Variants in FGF12 observed in about 807,000 individuals in gnomAD.
The protein encoded by FGF12 is fibroblast growth factor 12.
A neutral mutation model predicts 23.6 loss-of-function variants in FGF12; 14 were observed. The observed-to-expected ratio is 0.59, with a 90% CI of 0.39 to 0.93. The LOEUF is 0.93. Ranked by LOEUF, FGF12 falls within the 40% of genes least tolerant of loss-of-function variation. FGF12 has a pLI of 0.00. For missense variants in FGF12, 175 were observed against 217.8 expected (o/e 0.80, Z 1.24); for synonymous variants, 62 against 77.3 (o/e 0.80, Z 1.04).
chr3:192,353,093 A>G (rs564684143), intron 3 of FGF12, among the ~76,000 whole-genome samples: 1 of 152,300 alleles, frequency 6.6e-6, no homozygotes, highest in African/African-American at 2.4e-5. Context: ...ATGTTGTACT[A>G]TCTGAATTTG....
At chr3:192,608,179 A>T (rs1420502997) in intron 2 of FGF12, among the ~76,000 whole-genome samples, 4 of 152,150 alleles carry the variant, frequency 2.6e-5, no homozygotes, top group Non-Finnish European at 5.9e-5. Flanking sequence ...AAGTGATGAC[A>T]GTTAATGGGT....
At chr3:192,654,173 G>T (rs992262808) in intron 2 of FGF12, among the ~76,000 whole-genome samples, 4 of 152,186 alleles carry the variant, frequency 2.6e-5, no homozygotes, top group African/African-American at 9.7e-5. Flanking sequence ...CTTGGAAGTA[G>T]GCACAAAGGA....
chr3:192,647,429 T>C (rs1716044855), intron 2 of FGF12, among the ~76,000 whole-genome samples: 1 of 152,040 alleles, frequency 6.6e-6, no homozygotes, highest in African/African-American at 2.4e-5. Flanking sequence ...TCCAACATTC[T>C]GAAGACTGCC....
chr3:192,485,159 A>G (rs6784643), intron 2 of FGF12, among the ~76,000 whole-genome samples: 15,647 of 152,060 alleles, frequency 0.1, 2,571 homozygotes, highest in African/African-American at 0.35. Flanking sequence ...GCATGTGTGC[A>G]TAAGTATGTT....
chr3:192,215,788 G>A (rs1220939553), intron 4 of FGF12, among the ~76,000 whole-genome samples: 1 of 152,064 alleles, frequency 6.6e-6, no homozygotes, highest in African/African-American at 2.4e-5. Flanking sequence ...ATAAAACAAA[G>A]CCATTTCTTT....
intron 4 of FGF12, among the ~76,000 whole-genome samples, chr3:192,243,605 A>C (rs945856324): frequency 7.9e-5 from 12 of 151,998 alleles, no homozygotes; most frequent in Non-Finnish European, 1.5e-5. Context: ...TTAAACAATA[A>C]ATTTACTTCA....
In FGF12 at chr3:192,218,890, T is replaced by C. The variant is rs180753198; in HGVS notation, c.229-48234A>G. 5.9e-5 allele frequency among the ~76,000 whole-genome samples: 9 copies of C among 152,286 alleles called. No homozygotes were observed. In the East Asian group the frequency reaches 1.7e-3, roughly 29 times the overall value. On this transcript the variant is annotated intron_variant, in intron 4 of 5. Coordinates refer to ENST00000445105, the MANE Select transcript of FGF12 (RefSeq NM_004113.6). The stretch of plus-strand genomic sequence containing the variant: ...AAAAAGTTACAAATACATACCTAGC[T>C]CTATGACCACAACACAAATGTATCT...
At chr3:192,645,767 TAAAAAAAAAAA>T (rs55809400) in intron 2 of FGF12, among the ~76,000 whole-genome samples, 16 of 71,066 alleles carry the variant, frequency 2.3e-4, no homozygotes, top group African/African-American at 6.6e-4. Flanking sequence ...ACAAAACAGG[TAAAAAAAAAAA>T]AAAAAAAAAA....
At chr3:192,462,103 T>A (rs1483861484) in intron 2 of FGF12, among the ~76,000 whole-genome samples, 1 of 152,082 alleles carries the variant, frequency 6.6e-6, no homozygotes, top group African/African-American at 2.4e-5. Flanking sequence ...TTTTTAAAAC[T>A]CACTAGTAAT....
At chr3:192,250,143 T>C (rs1711910695) in intron 4 of FGF12, among the ~76,000 whole-genome samples, 1 of 152,222 alleles carries the variant, frequency 6.6e-6, no homozygotes, top group Admixed American at 6.5e-5. Context: ...ATAACATTTA[T>C]ATTAAATCTG....
At chr3:192,682,759 A>G (rs1717579349) in intron 2 of FGF12, among the ~76,000 whole-genome samples, 1 of 152,206 alleles carries the variant, frequency 6.6e-6, no homozygotes, top group Admixed American at 6.5e-5. Context: ...TAGTCCTGCC[A>G]GAAAGACCAA....
chr3:192,646,410 C>T (rs1439219607), intron 2 of FGF12, among the ~76,000 whole-genome samples: 7 of 151,932 alleles, frequency 4.6e-5, no homozygotes, highest in Non-Finnish European at 8.8e-5. Flanking sequence ...AATTTGTCCA[C>T]CAGAAATGTT....
intron 2 of FGF12, among the ~76,000 whole-genome samples, chr3:192,524,184 T>A (rs1724887437): frequency 1.3e-5 from 2 of 152,238 alleles, no homozygotes; most frequent in Admixed American, 1.3e-4. Context: ...AAAGACACTA[T>A]GATGCTGCCC....
At chr3:192,652,428 G>A (rs1716247458) in intron 2 of FGF12, among the ~76,000 whole-genome samples, 1 of 152,190 alleles carries the variant, frequency 6.6e-6, no homozygotes, top group South Asian at 2.1e-4. Flanking sequence ...GAGAAAGACT[G>A]AGTGGGCATC....
chr3:192,204,778 TAGG>T (rs1183471763), intron 4 of FGF12, among the ~76,000 whole-genome samples: 1 of 151,958 alleles, frequency 6.6e-6, no homozygotes, highest in African/African-American at 2.4e-5. Context: ...CTCAGCTACT[TAGG>T]AGGTTGAGGC....
intron 3 of FGF12, among the ~76,000 whole-genome samples, chr3:192,353,087 T>G (rs1474463699): frequency 1.3e-5 from 2 of 152,170 alleles, no homozygotes; most frequent in African/African-American, 4.8e-5. Flanking sequence ...CCTCTAATGT[T>G]GTACTATCTG....
At chr3:192,470,390 T>A (rs1037425686) in intron 2 of FGF12, among the ~76,000 whole-genome samples, 20 of 152,160 alleles carry the variant, frequency 1.3e-4, no homozygotes, top group Non-Finnish European at 2.4e-4. Context: ...TTGTTGTTGT[T>A]GTTGTTGTAG....
intron 2 of FGF12, among the ~76,000 whole-genome samples, chr3:192,563,959 G>A (rs1038694416): frequency 6.6e-6 from 1 of 152,198 alleles, no homozygotes; most frequent in Non-Finnish European, 1.5e-5. Context: ...CATTTGGTAT[G>A]CCTACATTTT....
At chr3:192,229,167 T>TAAAA (rs948044556) in intron 4 of FGF12, among the ~76,000 whole-genome samples, 1 of 148,524 alleles carries the variant, frequency 6.7e-6, no homozygotes, top group African/African-American at 2.5e-5. Context: ...AATAAAATTT[T>TAAAA]AAAAAAAAAA....
Sources: allele counts gnomAD v4.1 joint callset (sites outside exome capture counted in the v4.1 genomes callset), GRCh38; gene constraint gnomAD v4.1.1; transcripts MANE v1.5; gene names NCBI Gene and HGNC (gene_info 2026-07-23, HGNC 2026-07-21).